The following WDR36 variants were observed in gnomAD, a reference collection of about 807,000 sequenced individuals.
WDR36 encodes the protein WD repeat domain 36, also known as WD repeat-containing protein 36.
A neutral mutation model predicts 112.7 loss-of-function variants in WDR36; 63 were observed. That is an observed-to-expected ratio of 0.56 (90% CI 0.46 to 0.69). WDR36 has a LOEUF of 0.69. WDR36 is among the 30% of genes least tolerant of loss of function. The pLI, the probability that WDR36 is intolerant of heterozygous loss-of-function variation, is 0.00. For synonymous variants in WDR36, 410 were observed against 362.2 expected (o/e 1.13, Z -1.50); for missense variants, 1,226 against 1,070.3 (o/e 1.15, Z -2.03).
At chr5:111,104,012 A>G (rs1753171960) in intron 7 of WDR36, 94 bp downstream of exon 7, 1 of 1,497,066 alleles carries the variant, frequency 6.7e-7, no homozygotes, top group African/African-American at 1.4e-5. Flanking sequence ...AGCTTAATCT[A>G]ATAGAAGTGA....
At chr5:111,104,969 T>TATC in intron 9 of WDR36, 152 bp downstream of exon 9, 1 of 1,155,278 alleles carries the variant, frequency 8.7e-7, no homozygotes. Flanking sequence ...TTTTGTCTAC[T>TATC]TGAGAAGCAC....
chr5:111,130,282 G>A lies in WDR36; in HGVS notation c.*3399G>A, dbSNP rs996928685. 1 of 197,600 alleles carries A rather than the reference G, an allele frequency of 5.1e-6. No homozygotes were observed. The highest frequency in any genetic ancestry group is 1.1e-5 in the Non-Finnish European group (1 of 95,152). The allele number at this position is 197,600 out of a possible 1,614,324, so 12.2% of individuals were successfully genotyped here. A position where few individuals can be genotyped will look rare whatever the true frequency, so the allele number is the denominator to read the frequency against. ...TGAAAAGTCGGTCCTTGTATTTGAGGGTTTTGCATCCCTCAAATACCATAT... is the reference window on the plus strand; with the variant it reads ...TGAAAAGTCGGTCCTTGTATTTGAGAGTTTTGCATCCCTCAAATACCATAT... On this transcript the variant is annotated 3_prime_UTR_variant, in exon 23 of 23. Coordinates refer to ENST00000513710, the MANE Select transcript of WDR36 (RefSeq NM_139281.3).
chr5:111,106,016 G>A (rs1580395535), intron 10 of WDR36, 41 bp from the exon 11 acceptor site: 1 of 1,444,410 alleles, frequency 6.9e-7, no homozygotes, highest in South Asian at 1.1e-5. Context: ...TTATTAAGAA[G>A]GATTCATAGC....
At position 111,126,981 on chromosome 5, in the gene WDR36, C is replaced by T; in HGVS notation, c.*98C>T. 8.5e-7 allele frequency: 1 copy of T among 1,178,912 alleles called. No homozygotes were observed. Among genetic ancestry groups the T allele is most frequent in the Non-Finnish European group, 1.2e-6 (1 of 846,520 alleles). 73.0% of individuals were successfully genotyped at this position (1,178,912 alleles called of 1,614,324 possible). On this transcript the variant is annotated 3_prime_UTR_variant, in exon 23 of 23. Coordinates refer to ENST00000513710, the MANE Select transcript of WDR36 (RefSeq NM_139281.3). ...TGTCAATGTGAAAAGAAAATAAATG[C>T]TAGCACTACTGACTAGTCAGTATAT...
chr5:111,095,559 A>G (rs1182105421), intron 2 of WDR36, among the ~76,000 whole-genome samples: 3 of 152,328 alleles, frequency 2.0e-5, no homozygotes, highest in South Asian at 4.1e-4. Context: ...TAATCCAAAA[A>G]TTTGAAACCC....
intron 11 of WDR36, among the ~76,000 whole-genome samples, 179 bp downstream of exon 11, chr5:111,106,322 A>G (rs1753221161): frequency 6.6e-6 from 1 of 151,506 alleles, no homozygotes; most frequent in Admixed American, 6.6e-5. Flanking sequence ...TTAAATGTGA[A>G]CTTCTTATCT....
Position 111,092,375 on chromosome 5 carries a change from T to G in WDR36, c.-82T>G. 1.9e-6 allele frequency: 3 copies of G among 1,614,246 alleles called. No homozygotes were observed. Among genetic ancestry groups the G allele is most frequent in the Non-Finnish European group, 2.5e-6 (3 of 1,180,046 alleles). ...TGTGTCTGCAGCTCTGGCAGAGGAC[T>G]GTTCCACTAGACACGCTGAAGGGAC... On this transcript the variant is annotated 5_prime_UTR_variant, in exon 1 of 23. Coordinates refer to ENST00000513710, the MANE Select transcript of WDR36 (RefSeq NM_139281.3).
intron 8 of WDR36, 59 bp downstream of exon 8, chr5:111,104,411 C>A (rs1753183212): frequency 1.3e-6 from 2 of 1,599,674 alleles, no homozygotes; most frequent in African/African-American, 2.7e-5. Context: ...TGGGTTATTA[C>A]AAGCTTGTTT....
At chr5:111,101,078 A>G (rs1753112647) in intron 5 of WDR36, among the ~76,000 whole-genome samples, 1 of 151,934 alleles carries the variant, frequency 6.6e-6, no homozygotes, top group African/African-American at 2.4e-5. Context: ...ATTTTATGTA[A>G]GGGACTTGAG....
At position 111,105,295 on chromosome 5, in the gene WDR36, G is replaced by A. The variant is rs1160042163; in HGVS notation, c.1028G>A (p.Ser343Asn). Residue 343 changes from serine to asparagine, a missense_variant and splice_region_variant, in exon 10 of 23, where the codon AGT (serine) becomes AAT (asparagine). Physicochemically the swap from Ser to Asn is conservative, Grantham distance 46 (BLOSUM62 1). Coordinates refer to ENST00000513710, the MANE Select transcript of WDR36 (RefSeq NM_139281.3). Reference sequence around the variant, plus strand: ...AGGGATTTTCTGTGTATATCAACAGGTCAAGATGGAACTCTTCAGTCATTT... The same window carrying A: ...AGGGATTTTCTGTGTATATCAACAGATCAAGATGGAACTCTTCAGTCATTT... Reference protein sequence around the residue: ...GQNGQQILSASQDGTLQSFST... With the variant: ...GQNGQQILSANQDGTLQSFST... 1.2e-6 allele frequency: 2 copies of A among 1,609,564 alleles called. No individual in the cohort carries two copies. Among genetic ancestry groups the A allele is most frequent in the African/African-American group, 2.7e-5 (2 of 74,614 alleles).
At position 111,113,035 on chromosome 5, in the gene WDR36, AAT is replaced by A. The variant is rs376288151; in HGVS notation, c.1717-22_1717-21del. The A allele has an allele frequency of 7.0e-3, 2,455 of 351,958 alleles. 20 individuals carry two copies. The highest frequency in any genetic ancestry group is 9.3e-3 in the East Asian group (105 of 11,278). 21.8% of individuals were successfully genotyped at this position (351,958 alleles called of 1,614,324 possible). A position where few individuals can be genotyped will look rare whatever the true frequency, so the allele number is the denominator to read the frequency against. On this transcript the variant is annotated intron_variant, in intron 15 of 22. Transcript: ENST00000513710. The stretch of plus-strand genomic sequence containing the variant: ...TATTCATATATATTTATATATAAAT[AAT>A]ATATATATATATATATTTTTTTTTT...
Position 111,094,751 on chromosome 5 carries a change from G to T in WDR36, c.163-169G>T, listed in dbSNP as rs540939976. On this transcript the variant is annotated intron_variant, in intron 1 of 22. Transcript: ENST00000513710. The stretch of plus-strand genomic sequence containing the variant: ...CCATCACCACTCCTGGTGAAATACA[G>T]TTGAAAATATAAACTTTCCTAATAA... Among the ~76,000 whole-genome samples the T allele has an allele frequency of 2.0e-5, 3 of 152,178 alleles. No individual in the cohort carries two copies. In the East Asian group the frequency reaches 5.8e-4, roughly 29 times the overall value.
rs915007249 is a variant in WDR36, at chr5:111,103,770, ATAATT to A, written c.598-9_598-5del. ...TTTGCTTAAGAAAGTAAAAGTTTGAATAATTTAATTTTTAGGCACCAGCCGTGGAT... is the reference window on the plus strand; with the variant it reads ...TTTGCTTAAGAAAGTAAAAGTTTGAATAATTTTTAGGCACCAGCCGTGGAT... On this transcript the variant is annotated splice_polypyrimidine_tract_variant and intron_variant, in intron 6 of 22. Coordinates refer to ENST00000513710, the MANE Select transcript of WDR36 (RefSeq NM_139281.3). 8 of 1,610,270 alleles carry A rather than the reference ATAATT, an allele frequency of 5.0e-6. No individual in the cohort carries two copies. The African/African-American group carries it at 1.1e-4, about 22-fold the overall frequency.
At chr5:111,095,207 G>C (rs1752949401) in intron 2 of WDR36, 2 of 465,586 alleles carry the variant, frequency 4.3e-6, no homozygotes, top group African/African-American at 2.0e-5. Context: ...CATTTTTGAA[G>C]AGTACAGGCT....
In WDR36 at chr5:111,126,749, C is replaced by A; in HGVS notation, c.2554C>A (p.Leu852Ile). The A allele has an allele frequency of 6.2e-7, 1 of 1,613,674 alleles. No homozygotes were observed. The highest frequency in any genetic ancestry group is 8.5e-7 in the Non-Finnish European group (1 of 1,179,770). Reference protein sequence around the residue: ...ALFLKLHLKMLPSEPVLLEEI... With the variant: ...ALFLKLHLKMIPSEPVLLEEI... ...TTCTTTGCAGTTACACCTTAAAATG[C>A]TTCCTTCAGAGCCAGTACTCCTAGA... Residue 852 changes from leucine (L) to isoleucine (I), a missense_variant, in exon 23 of 23, where the codon CTT (leucine) becomes ATT (isoleucine). Leu to Ile is a conservative substitution (Grantham distance 5). Coordinates refer to ENST00000513710, the MANE Select transcript of WDR36 (RefSeq NM_139281.3).
intron 1 of WDR36, among the ~76,000 whole-genome samples, chr5:111,094,661 C>G (rs1035154577): frequency 6.6e-6 from 1 of 152,188 alleles, no homozygotes; most frequent in African/African-American, 2.4e-5. Context: ...AGACCACATG[C>G]ATTGCCTGCA....
At position 111,111,208 on chromosome 5, in the gene WDR36, G is replaced by C. The variant is rs776029871; in HGVS notation, c.1646G>C (p.Ser549Thr). The C allele has an allele frequency of 6.2e-7, 1 of 1,611,900 alleles. No homozygotes were observed. The highest frequency in any genetic ancestry group is 1.7e-5 in the Admixed American group (1 of 59,874). Reference sequence around the variant, plus strand: ...CTCGCCTTGGATGACTTCTCCATTAGTGTTCTGGACATAGAAACTAGGAAG... The same window carrying C: ...CTCGCCTTGGATGACTTCTCCATTACTGTTCTGGACATAGAAACTAGGAAG... ...LGLALDDFSI[S>T]VLDIETRKIV... The change falls in exon 15 of 23, where the codon AGT (serine) becomes ACT (threonine). Residue 549 changes from serine to threonine, a missense_variant. Coordinates refer to ENST00000513710, the MANE Select transcript of WDR36 (RefSeq NM_139281.3).
chr5:111,121,390 A>G (rs1313922522), intron 19 of WDR36, among the ~76,000 whole-genome samples: 3 of 152,286 alleles, frequency 2.0e-5, no homozygotes, highest in Middle Eastern at 3.4e-3. Context: ...CTGTAACTAC[A>G]GAGCTACTGG....
intron 19 of WDR36, among the ~76,000 whole-genome samples, chr5:111,123,060 G>C (rs1235669210): frequency 6.6e-6 from 1 of 151,792 alleles, no homozygotes; most frequent in Non-Finnish European, 1.5e-5. Context: ...AGTGAGCTGA[G>C]ATCGCACCAC....
Sources: allele counts gnomAD v4.1 joint callset (sites outside exome capture counted in the v4.1 genomes callset), GRCh38; gene constraint gnomAD v4.1.1; transcripts MANE v1.5; gene names NCBI Gene and HGNC (gene_info 2026-07-23, HGNC 2026-07-21).